The following AGAP5 variants were observed in gnomAD, a reference collection of about 807,000 sequenced individuals.
AGAP5 encodes arf-GAP with GTPase, ANK repeat and PH domain-containing protein 5.
AGAP5 carries 8 observed loss-of-function variants against 27.7 expected under a neutral mutation model. The observed-to-expected ratio is 0.29, with a 90% CI of 0.17 to 0.52. The LOEUF is 0.52. Among genes scored for constraint, AGAP5 ranks in the 20% least tolerant of loss-of-function variants. The probability of loss-of-function intolerance (pLI) is 0.97; values close to 1 mark genes in which losing one functional copy is unlikely to be tolerated. For synonymous variants in AGAP5, 111 were observed against 338.0 expected, an observed-to-expected ratio of 0.33 and a Z score of 7.37; for missense variants, 285 against 880.8, an observed-to-expected ratio of 0.32 and a Z score of 8.56.
chr10:73,695,161 A>C (rs1369026143), intron 2 of AGAP5, among the ~76,000 whole-genome samples: 1 of 152,208 alleles, frequency 6.6e-6, no homozygotes, highest in East Asian at 1.9e-4. Context: ...GATGGCAGTA[A>C]GTTTTAAAAG....
rs1011097251 is a variant in AGAP5, at chr10:73,698,011, T to C, written c.-256A>G. 6.9e-7 allele frequency: 1 copy of C among 1,446,790 alleles called. No individual in the cohort carries two copies. Among genetic ancestry groups the C allele is most frequent in the African/African-American group, 1.4e-5 (1 of 70,310 alleles). 89.6% of individuals were successfully genotyped at this position (1,446,790 alleles called of 1,614,324 possible). ...GGGAGGGTGAAGACCAGCTGGCTTA[T>C]TTAATAGGTTGTGAACCCAACAAGC... is the stretch of plus-strand genomic sequence containing the variant. On this transcript the variant is annotated 5_prime_UTR_variant, in exon 1 of 8. Coordinates refer to ENST00000374094, the MANE Select transcript of AGAP5 (RefSeq NM_001144000.4).
chr10:73,691,650 G>A (rs1291373464), intron 4 of AGAP5, among the ~76,000 whole-genome samples: 2 of 151,940 alleles, frequency 1.3e-5, no homozygotes, highest in African/African-American at 2.4e-5. Flanking sequence ...GCACCACCAC[G>A]CCCGGCTACT....
intron 7 of AGAP5, among the ~76,000 whole-genome samples, chr10:73,676,291 C>CAAAA (rs371426814): frequency 1.3e-4 from 9 of 71,770 alleles, no homozygotes; most frequent in East Asian, 3.1e-4. Context: ...CCTGTCTTTA[C>CAAAA]AAAAAAAAAA....
In AGAP5 at chr10:73,675,379, C is replaced by G; in HGVS notation, c.1281G>C (p.Thr427=). 1 of 1,613,048 alleles carries G rather than the reference C, an allele frequency of 6.2e-7. No homozygotes were observed. Among genetic ancestry groups the G allele is most frequent in the Non-Finnish European group, 8.5e-7 (1 of 1,179,970 alleles). The change falls in exon 8 of 8, where the codon ACG becomes ACC. Residue 427 remains threonine (T), a synonymous_variant. Transcript: ENST00000374094. ...TGQTWHFEAT[T]YEERDAWVQA... ...GGACCCAGGCATCCCGCTCCTCATA[C>G]GTCGTGGCTTCAAAGTGCCATGTTT...
intron 4 of AGAP5, among the ~76,000 whole-genome samples, chr10:73,685,750 A>G (rs2082058253): frequency 6.6e-6 from 1 of 151,748 alleles, no homozygotes; most frequent in Non-Finnish European, 1.5e-5. Context: ...ATGGGGTTTC[A>G]CCATGTTGGC....
chr10:73,689,986 G>A (rs1404096719), intron 4 of AGAP5, among the ~76,000 whole-genome samples: 3 of 151,468 alleles, frequency 2.0e-5, no homozygotes, highest in Admixed American at 2.0e-4. Flanking sequence ...GAGGGAGGTG[G>A]GGGGTCAGCC....
At chr10:73,696,520 G>A (rs893207309) in intron 2 of AGAP5, among the ~76,000 whole-genome samples, 34 of 152,248 alleles carry the variant, frequency 2.2e-4, no homozygotes, top group African/African-American at 7.5e-4. Flanking sequence ...CTCTCTTTTA[G>A]AACAAGGAGG....
chr10:73,689,112 G>C (rs1053619893), intron 4 of AGAP5, among the ~76,000 whole-genome samples: 5 of 152,280 alleles, frequency 3.3e-5, no homozygotes, highest in East Asian at 3.9e-4. Context: ...TCAGCCTGCC[G>C]AGTGCCTGCG....
rs746387576 is a variant in AGAP5 at position 73,697,207 on chromosome 10, T to C, written c.224-44A>G. Reference sequence around the variant, plus strand: ...AAAAGAAAAAAGATGTAATCATTTATAAAAATTTATCAACTCATTTATTCA... The same window carrying C: ...AAAAGAAAAAAGATGTAATCATTTACAAAAATTTATCAACTCATTTATTCA... On this transcript the variant is annotated intron_variant, in intron 1 of 7. Coordinates refer to ENST00000374094, the MANE Select transcript of AGAP5 (RefSeq NM_001144000.4). 5.3e-5 allele frequency: 84 copies of C among 1,591,424 alleles called. 2 individuals carry two copies. In the South Asian group the frequency reaches 6.3e-4, roughly 12 times the overall value.
At chr10:73,695,029 G>C (rs1165231440) in intron 2 of AGAP5, among the ~76,000 whole-genome samples, 2 of 151,236 alleles carry the variant, frequency 1.3e-5, no homozygotes, top group Non-Finnish European at 2.9e-5. Context: ...ACCCAGGTCA[G>C]GAAGTTGAGG....
intron 7 of AGAP5, among the ~76,000 whole-genome samples, chr10:73,676,305 A>G (rs1338050103): frequency 2.1e-5 from 3 of 139,722 alleles, no homozygotes; most frequent in Admixed American, 7.2e-5. Flanking sequence ...AAAAAAAAAA[A>G]AAAGAAAAGA....
intron 3 of AGAP5, among the ~76,000 whole-genome samples, chr10:73,692,861 G>A (rs2082130989): frequency 6.6e-6 from 1 of 151,822 alleles, no homozygotes; most frequent in African/African-American, 2.4e-5. Flanking sequence ...TAGCCAGGAT[G>A]GTCTTGATCT....
intron 2 of AGAP5, among the ~76,000 whole-genome samples, chr10:73,695,921 A>C (rs1439684868): frequency 1.4e-5 from 2 of 143,098 alleles, no homozygotes; most frequent in Non-Finnish European, 3.0e-5. Flanking sequence ...GCAAAATTTT[A>C]GAGGCAAACC....
chr10:73,675,614 G>A lies in AGAP5; in HGVS notation c.1046C>T (p.Thr349Ile). 6.2e-7 allele frequency: 1 copy of A among 1,614,276 alleles called. No individual in the cohort carries two copies. Among genetic ancestry groups the A allele is most frequent in the Non-Finnish European group, 8.5e-7 (1 of 1,180,048 alleles). Residue 349 changes from threonine (T) to isoleucine (I), a missense_variant, in exon 8 of 8, where the codon ACA becomes ATA. Coordinates refer to ENST00000374094, the MANE Select transcript of AGAP5 (RefSeq NM_001144000.4). Reference protein sequence around the residue: ...KVPGKWPSLATSACAPISSSK... With the variant: ...KVPGKWPSLAISACAPISSSK... Reference sequence around the variant, plus strand: ...GCTGGAGATGGGTGCACAGGCCGATGTGGCTAGGGATGGCCACTTTCCTGG... The same window carrying A: ...GCTGGAGATGGGTGCACAGGCCGATATGGCTAGGGATGGCCACTTTCCTGG...
intron 2 of AGAP5, among the ~76,000 whole-genome samples, chr10:73,696,016 C>CA (rs2082158644): frequency 1.4e-5 from 2 of 146,862 alleles, no homozygotes; most frequent in Non-Finnish European, 3.0e-5. Flanking sequence ...ACTTTCTTTC[C>CA]TTTTTTTTTT....
intron 4 of AGAP5, among the ~76,000 whole-genome samples, chr10:73,683,075 C>G (rs1177773858): frequency 2.1e-5 from 1 of 46,800 alleles, no homozygotes; most frequent in Non-Finnish European, 4.4e-5. Context: ...TCGGCTTCGC[C>G]GGGCGCGGTG....
At chr10:73,685,542 T>C (rs1258271639) in intron 4 of AGAP5, among the ~76,000 whole-genome samples, 1 of 151,788 alleles carries the variant, frequency 6.6e-6, no homozygotes, top group African/African-American at 2.4e-5. Flanking sequence ...CATTTGATCA[T>C]GGTGGATTAT....
At chr10:73,688,930 T>C (rs908871104) in intron 4 of AGAP5, among the ~76,000 whole-genome samples, 3 of 152,206 alleles carry the variant, frequency 2.0e-5, no homozygotes, top group African/African-American at 4.8e-5. Flanking sequence ...CAACTGCCTC[T>C]GCCTCTGCCT....
chr10:73,696,734 G>GT (rs1194096129), intron 2 of AGAP5, among the ~76,000 whole-genome samples: 6 of 152,050 alleles, frequency 3.9e-5, no homozygotes, highest in African/African-American at 1.4e-4. Context: ...TTTTCCTTCT[G>GT]TGTTCAAATT....
Sources: gnomAD v4.1 joint callset for allele counts (sites outside exome capture counted in the v4.1 genomes callset) on GRCh38, gnomAD v4.1.1 for gene constraint, MANE v1.5 for transcripts, NCBI Gene and HGNC (gene_info 2026-07-23, HGNC 2026-07-21) for gene names.